LPP: variants seen among roughly 807,000 people sequenced by gnomAD.
LPP encodes the protein LIM domain containing preferred translocation partner in lipoma.
A neutral mutation model predicts 60.4 loss-of-function variants in LPP; 38 were observed. The observed-to-expected ratio is 0.63, with a 90% confidence interval of 0.49 to 0.83. The LOEUF is 0.83. LPP is among the 40% of genes least tolerant of loss of function. LPP has a pLI of 0.00. For synonymous variants in LPP, 328 were observed against 290.8 expected, an observed-to-expected ratio of 1.13 and a Z score of -1.30; for missense variants, 902 against 783.6, an observed-to-expected ratio of 1.15 and a Z score of -1.80.
At position 188,545,270 on chromosome 3, in the gene LPP, T is replaced by TA. The variant is rs11366638; in HGVS notation, c.429+20495dup. ...AAAGTATAATTAAAAAAAAAAACAT[T>TA]AAAAAAAAAAAAGAAAATTCTTTGT... On this transcript the variant is annotated intron_variant, in intron 6 of 11. Transcript: ENST00000617246. 4.8e-3 allele frequency among the ~76,000 whole-genome samples: 701 copies of TA among 144,952 alleles called. 7 individuals are homozygous for TA. The highest frequency in any genetic ancestry group is 0.013 in the African/African-American group (495 of 38,804).
intron 9 of LPP, among the ~76,000 whole-genome samples, chr3:188,825,285 G>C (rs1038693851): frequency 2.9e-4 from 43 of 148,166 alleles, no homozygotes; most frequent in African/African-American, 6.3e-4. Flanking sequence ...GTGTGTGTGT[G>C]TGTGTGTGTG....
At chr3:188,334,771 T>G (rs896715984) in intron 2 of LPP, among the ~76,000 whole-genome samples, 4 of 152,170 alleles carry the variant, frequency 2.6e-5, no homozygotes, top group African/African-American at 9.7e-5. Flanking sequence ...CTATACTATT[T>G]TCTATAATGG....
chr3:188,655,972 C>G (rs1224078257), intron 7 of LPP, among the ~76,000 whole-genome samples: 1 of 151,642 alleles, frequency 6.6e-6, no homozygotes, highest in Admixed American at 6.6e-5. Context: ...GGTGGATTAC[C>G]TGAGGTCAGG....
At chr3:188,705,836 C>T (rs186643233) in intron 7 of LPP, among the ~76,000 whole-genome samples, 2 of 152,088 alleles carry the variant, frequency 1.3e-5, no homozygotes, top group Middle Eastern at 3.4e-3. Context: ...AGGCTGGTCT[C>T]GAACTTCTGG....
At chr3:188,503,910 C>T (rs1315394304) in intron 5 of LPP, among the ~76,000 whole-genome samples, 1 of 152,170 alleles carries the variant, frequency 6.6e-6, no homozygotes, top group East Asian at 1.9e-4. Context: ...AGGTGCCTCA[C>T]TATTTGTCTG....
At chr3:188,487,456 A>G (rs1410665366) in intron 5 of LPP, among the ~76,000 whole-genome samples, 1 of 152,196 alleles carries the variant, frequency 6.6e-6, no homozygotes, top group East Asian at 1.9e-4. Flanking sequence ...GAGGAAGGAA[A>G]TAAACAAAAT....
intron 6 of LPP, among the ~76,000 whole-genome samples, chr3:188,605,954 G>A (rs1303312395): frequency 1.3e-5 from 2 of 152,150 alleles, no homozygotes. Flanking sequence ...CTGTCACAAT[G>A]ACTGGAGGAC....
intron 4 of LPP, among the ~76,000 whole-genome samples, chr3:188,434,137 C>CAGTT (rs2149187204): frequency 6.6e-6 from 1 of 152,216 alleles, no homozygotes; most frequent in South Asian, 2.1e-4. Context: ...GTGTAGCAGT[C>CAGTT]AGTTCTACAG....
At chr3:188,389,906 C>T (rs1253422716) in intron 3 of LPP, among the ~76,000 whole-genome samples, 1 of 151,908 alleles carries the variant, frequency 6.6e-6, no homozygotes, top group African/African-American at 2.4e-5. Flanking sequence ...TGAAATCTAA[C>T]TGTGGGTGAG....
intron 5 of LPP, among the ~76,000 whole-genome samples, chr3:188,486,178 A>G (rs898592448): frequency 1.3e-5 from 2 of 152,170 alleles, no homozygotes; most frequent in Non-Finnish European, 2.9e-5. Context: ...GTAAAAGAGA[A>G]AAAGTCTTAG....
At chr3:188,305,218 T>C (rs1751143514) in intron 2 of LPP, among the ~76,000 whole-genome samples, 1 of 152,174 alleles carries the variant, frequency 6.6e-6, no homozygotes, top group Non-Finnish European at 1.5e-5. Context: ...CTAAATATAT[T>C]TACTTTAAAA....
At chr3:188,562,099 A>G (rs1373071453) in intron 6 of LPP, 2 of 151,952 alleles carry the variant, frequency 1.3e-5, no homozygotes, top group African/African-American at 2.4e-5. Context: ...ACAAACACAC[A>G]CACTCATCCC....
chr3:188,173,637 C>A (rs543784077), intron 1 of LPP, among the ~76,000 whole-genome samples: 2 of 152,290 alleles, frequency 1.3e-5, no homozygotes, highest in East Asian at 1.9e-4. Context: ...GGAGCAGCTG[C>A]GGATGAAGTC....
chr3:188,431,318 C>T (rs1457085158), intron 4 of LPP, among the ~76,000 whole-genome samples: 5 of 152,186 alleles, frequency 3.3e-5, no homozygotes, highest in Non-Finnish European at 5.9e-5. Flanking sequence ...AAGCTAGAGT[C>T]ACCGAGGGAT....
Position 188,169,651 on chromosome 3 carries a change from C to G in LPP, c.-190+15399C>G, listed in dbSNP as rs568308988. Among the ~76,000 whole-genome samples the G allele has an allele frequency of 1.2e-3, 180 of 152,260 alleles. 3 individuals are homozygous for G. The South Asian group carries it at 0.028, about 23-fold the overall frequency. ...TAAACGAATGCGCATTCTGACCTCC[C>G]GGAAGGTTTGTTTCCCAAAGTTATT... On this transcript the variant is annotated intron_variant, in intron 1 of 11. Coordinates refer to ENST00000617246, the MANE Select transcript of LPP (RefSeq NM_001375462.1).
intron 4 of LPP, among the ~76,000 whole-genome samples, chr3:188,427,879 AC>A (rs202222066): frequency 0.014 from 2,057 of 152,216 alleles, 26 homozygotes; most frequent in Non-Finnish European, 0.022. Context: ...GAGTTAGAAC[AC>A]TTGGCTCCCT....
Position 188,779,805 on chromosome 3 carries a change from C to CTAA in LPP, c.1410+19526_1410+19528dup, listed in dbSNP as rs530009991. Among the ~76,000 whole-genome samples the CTAA allele has an allele frequency of 6.0e-3, 907 of 152,218 alleles. 12 individuals are homozygous for CTAA. Among genetic ancestry groups the CTAA allele is most frequent in the Admixed American group, 0.026 (391 of 15,292 alleles). On this transcript the variant is annotated intron_variant, in intron 9 of 11. Transcript: ENST00000617246. ...TTTCATTGGTCCATAGAGAAGACAGCTAATACATCTTCCACTTGGCAGCCT... is the reference window on the plus strand; with the variant it reads ...TTTCATTGGTCCATAGAGAAGACAGCTAATAATACATCTTCCACTTGGCAGCCT...
Position 188,609,390 on chromosome 3 carries a change from C to G in LPP, c.659C>G (p.Thr220Ser). Residue 220 changes from threonine (T) to serine (S), a missense_variant, in exon 7 of 12, where the codon ACC (threonine) becomes AGC (serine). Thr to Ser is a moderately conservative substitution (Grantham distance 58). Coordinates refer to ENST00000617246, the MANE Select transcript of LPP (RefSeq NM_001375462.1). This position sits in a 1 kb window ranked among gnomAD's most constrained non-coding sequence, Gnocchi z 6.9. ...YTTASTSSRP[T>S]FNVQVKSAQP... ...ACGGCCTCCACTTCTTCAAGGCCTA[C>G]CTTTAATGTGCAGGTGAAGTCAGCC... is the stretch of plus-strand genomic sequence containing the variant. The G allele has an allele frequency of 1.9e-6, 3 of 1,614,148 alleles. No individual in the cohort carries two copies. Among genetic ancestry groups the G allele is most frequent in the Non-Finnish European group, 2.5e-6 (3 of 1,180,032 alleles).
At chr3:188,320,404 C>T (rs1393900671) in intron 2 of LPP, among the ~76,000 whole-genome samples, 1 of 152,166 alleles carries the variant, frequency 6.6e-6, no homozygotes, top group Non-Finnish European at 1.5e-5. Context: ...CTCTGGGGTC[C>T]CCTCAGTGGT....
Sources: allele counts gnomAD v4.1 joint callset (sites outside exome capture counted in the v4.1 genomes callset), GRCh38; gene constraint gnomAD v4.1.1; non-coding constraint Gnocchi (gnomAD v3.1); transcripts MANE v1.5; gene names NCBI Gene and HGNC (gene_info 2026-07-23, HGNC 2026-07-21).